Variants in TOX observed in about 807,000 individuals in gnomAD.
TOX encodes thymocyte selection associated high mobility group box.
In TOX, 11 loss-of-function variants were observed where a neutral mutation model predicts 53.7. The ratio of observed to expected loss-of-function variants is 0.20; its 90% CI spans 0.13 to 0.34. The LOEUF (loss-of-function observed/expected upper bound fraction) is 0.34. Ranked by LOEUF, TOX falls within the 10% of genes least tolerant of loss-of-function variation. The pLI is 1.00. For synonymous variants in TOX, 225 were observed against 245.3 expected (o/e 0.92, Z 0.77); for missense variants, 570 against 664.6 (o/e 0.86, Z 1.56).
rs1255625572 is a variant in TOX, at chr8:58,806,944, C to T, written c.*803G>A. On this transcript the variant is annotated 3_prime_UTR_variant, in exon 9 of 9. Transcript: ENST00000361421. ...ATCTGTTTCTGCATCTAATAAAATA[C>T]CAGGTAAGCATTTGGCAGTTTTATA... 6.6e-6 allele frequency: 1 copy of T among 152,550 alleles called. No homozygotes were observed. The highest frequency in any genetic ancestry group is 2.4e-5 in the African/African-American group (1 of 41,434). The allele number at this position is 152,550 out of a possible 1,614,324, so 9.4% of individuals were successfully genotyped here.
chr8:59,050,861 T>C (rs1171611405), intron 1 of TOX, among the ~76,000 whole-genome samples: 1 of 152,194 alleles, frequency 6.6e-6, no homozygotes, highest in African/African-American at 2.4e-5. Context: ...ATTTCACCAA[T>C]ATAGAAATCT....
chr8:58,959,970 C>G lies in TOX; in HGVS notation c.141G>C (p.Pro47=), dbSNP rs766427403. Residue 47 remains proline (P), a synonymous_variant, in exon 2 of 9, where the codon CCG becomes CCC. Transcript: ENST00000361421. ...GGCTGGCTGGCACATAGTCCTGGCT[C>G]GGCTCTGTCATGCTCATATACATGT... ...GENMYMSMTE[P]SQDYVPASQS... The G allele has an allele frequency of 1.9e-6, 3 of 1,614,058 alleles. No individual in the cohort carries two copies. The African/African-American group carries it at 4.0e-5, about 22-fold the overall frequency.
At chr8:59,086,635 C>T (rs1001219574) in intron 1 of TOX, among the ~76,000 whole-genome samples, 16 of 152,164 alleles carry the variant, frequency 1.1e-4, no homozygotes, top group African/African-American at 3.4e-4. Flanking sequence ...CTTAAAACTG[C>T]AAAAACATTG....
At chr8:59,070,649 T>C (rs1222043155) in intron 1 of TOX, among the ~76,000 whole-genome samples, 1 of 151,526 alleles carries the variant, frequency 6.6e-6, no homozygotes, top group Non-Finnish European at 1.5e-5. Context: ...GAGAGAGAGA[T>C]GCGTCCTCTA....
chr8:58,963,314 T>TATATAGATAGATAG (rs71557744), intron 1 of TOX, among the ~76,000 whole-genome samples: 11 of 130,648 alleles, frequency 8.4e-5, no homozygotes, highest in African/African-American at 2.7e-4. Context: ...TAGATATATA[T>TATATAGATAGATAG]ATAGATAGAT....
At chr8:58,924,529 A>G (rs1206660315) in intron 3 of TOX, among the ~76,000 whole-genome samples, 2 of 152,248 alleles carry the variant, frequency 1.3e-5, no homozygotes, top group Non-Finnish European at 2.9e-5. Context: ...CCTGAATGGC[A>G]TCTTCTTCAT....
intron 3 of TOX, among the ~76,000 whole-genome samples, chr8:58,884,807 T>C (rs1563379136): frequency 6.6e-6 from 1 of 152,182 alleles, no homozygotes; most frequent in Non-Finnish European, 1.5e-5. Flanking sequence ...CTTTACCAAA[T>C]AATGCTCAGA....
chr8:58,828,813 A>G (rs1810405542), intron 5 of TOX, among the ~76,000 whole-genome samples: 1 of 152,146 alleles, frequency 6.6e-6, no homozygotes. Flanking sequence ...CAATGTTTAC[A>G]TTTGCTTTTA....
At chr8:58,936,007 G>A (rs1035300977) in intron 3 of TOX, among the ~76,000 whole-genome samples, 1 of 152,132 alleles carries the variant, frequency 6.6e-6, no homozygotes, top group African/African-American at 2.4e-5. Flanking sequence ...GGGCGCCAGC[G>A]GCTTTCCATA....
intron 1 of TOX, among the ~76,000 whole-genome samples, chr8:59,071,221 A>T: frequency 6.6e-6 from 1 of 152,160 alleles, no homozygotes; most frequent in East Asian, 1.9e-4. Flanking sequence ...AGTGGGGCAG[A>T]GGGCTTTGGA....
chr8:59,017,690 C>T (rs1372779887), intron 1 of TOX, among the ~76,000 whole-genome samples: 2 of 152,196 alleles, frequency 1.3e-5, no homozygotes, highest in Non-Finnish European at 2.9e-5. Context: ...ATGCTTCTTA[C>T]ACCAGTTTTT....
intron 3 of TOX, among the ~76,000 whole-genome samples, chr8:58,928,014 G>A (rs995009686): frequency 2.0e-5 from 3 of 152,120 alleles, no homozygotes; most frequent in South Asian, 2.1e-4. Context: ...AACACTCCCC[G>A]GACAAGTTAA....
chr8:58,947,959 AGAC>A (rs1189830533), intron 2 of TOX, among the ~76,000 whole-genome samples: 5 of 152,242 alleles, frequency 3.3e-5, no homozygotes, highest in African/African-American at 1.2e-4. Context: ...GTCAAGGGCA[AGAC>A]TGGTCCCACC....
chr8:58,914,809 G>C (rs1294744602), intron 3 of TOX, among the ~76,000 whole-genome samples: 2 of 151,810 alleles, frequency 1.3e-5, no homozygotes, highest in Non-Finnish European at 2.9e-5. Flanking sequence ...TCTCACTAGG[G>C]AGTGCCAGAC....
At chr8:59,089,982 C>T (rs1270211997) in intron 1 of TOX, among the ~76,000 whole-genome samples, 1 of 152,180 alleles carries the variant, frequency 6.6e-6, no homozygotes, top group Non-Finnish European at 1.5e-5. Context: ...ACTGAAGGCC[C>T]CATCAGATTC....
At chr8:58,935,222 T>C in intron 3 of TOX, among the ~76,000 whole-genome samples, 1 of 152,242 alleles carries the variant, frequency 6.6e-6, no homozygotes, top group South Asian at 2.1e-4. Flanking sequence ...TCATAATTCA[T>C]ATATAAAACA....
At chr8:58,873,632 T>G (rs189892386) in intron 3 of TOX, among the ~76,000 whole-genome samples, 3 of 152,134 alleles carry the variant, frequency 2.0e-5, no homozygotes, top group Non-Finnish European at 4.4e-5. Context: ...TACAATCTCA[T>G]GTGTGTCAAT....
chr8:58,835,048 T>A (rs766688315), intron 5 of TOX, among the ~76,000 whole-genome samples: 14 of 152,172 alleles, frequency 9.2e-5, no homozygotes, highest in African/African-American at 1.2e-4. Context: ...GATAAAAAAA[T>A]TTATTTCTCT....
At chr8:58,966,890 T>C (rs1812912190) in intron 1 of TOX, among the ~76,000 whole-genome samples, 1 of 150,642 alleles carries the variant, frequency 6.6e-6, no homozygotes, top group South Asian at 2.1e-4. Context: ...TTTTTTTTTT[T>C]TTTAGATGGA....
Sources: allele counts gnomAD v4.1 joint callset (sites outside exome capture counted in the v4.1 genomes callset), GRCh38; gene constraint gnomAD v4.1.1; transcripts MANE v1.5; gene names NCBI Gene and HGNC (gene_info 2026-07-23, HGNC 2026-07-21).